TET1: variants seen among roughly 807,000 people sequenced by gnomAD.
The protein encoded by TET1 is methylcytosine dioxygenase TET1.
A neutral mutation model predicts 148.7 loss-of-function variants in TET1; 13 were observed. The observed-to-expected ratio is 0.09, with a 90% CI of 0.06 to 0.14. The LOEUF is 0.14. TET1 is among the 10% of genes least tolerant of loss of function. The pLI is 1.00. For synonymous variants in TET1, 907 were observed against 937.2 expected (o/e 0.97, Z 0.59); for missense variants, 2,182 against 2,553.8 (o/e 0.85, Z 3.14).
At chr10:68,624,232 G>C (rs1223141189) in intron 3 of TET1, among the ~76,000 whole-genome samples, 1 of 151,948 alleles carries the variant, frequency 6.6e-6, no homozygotes, top group Non-Finnish European at 1.5e-5. Context: ...AAGTAGCTGG[G>C]ATTACAGGCG....
At chr10:68,659,520 T>C (rs1055667915) in intron 6 of TET1, among the ~76,000 whole-genome samples, 2 of 152,234 alleles carry the variant, frequency 1.3e-5, no homozygotes, top group African/African-American at 2.4e-5. Flanking sequence ...GGTTTCACCA[T>C]GTTACCCAGG....
intron 6 of TET1, among the ~76,000 whole-genome samples, chr10:68,657,685 T>C (rs1232063302): frequency 6.6e-6 from 1 of 152,164 alleles, no homozygotes; most frequent in Non-Finnish European, 1.5e-5. Context: ...CTTGAAATAG[T>C]ATGGCTATGG....
chr10:68,588,822 CAA>C (rs61499996), intron 2 of TET1, among the ~76,000 whole-genome samples: 1 of 145,316 alleles, frequency 6.9e-6, no homozygotes. Context: ...GACCCTGTCT[CAA>C]AAAAAAAAAA....
At chr10:68,668,896 G>C (rs1483317739) in intron 7 of TET1, among the ~76,000 whole-genome samples, 1 of 152,160 alleles carries the variant, frequency 6.6e-6, no homozygotes, top group Non-Finnish European at 1.5e-5. Context: ...GAGGTGGAAA[G>C]ATTGCTGTTG....
intron 3 of TET1, among the ~76,000 whole-genome samples, chr10:68,628,603 G>C (rs565337269): frequency 6.6e-6 from 1 of 152,226 alleles, no homozygotes; most frequent in South Asian, 2.1e-4. Context: ...GTAAAGGGAG[G>C]GGTGCTTAGT....
chr10:68,660,396 A>G (rs1419911939), intron 6 of TET1, among the ~76,000 whole-genome samples: 1 of 146,734 alleles, frequency 6.8e-6, no homozygotes, highest in Non-Finnish European at 1.5e-5. Context: ...CTGGAGTGCA[A>G]TGGCACAATC....
At chr10:68,566,021 G>A (rs2053604323) in intron 1 of TET1, among the ~76,000 whole-genome samples, 1 of 151,988 alleles carries the variant, frequency 6.6e-6, no homozygotes, top group Admixed American at 6.6e-5. Flanking sequence ...TAGGAGATAG[G>A]GTTTGAATGA....
At chr10:68,690,722 G>A in intron 11 of TET1, 86 bp from the exon 12 acceptor site, 4 of 1,346,828 alleles carry the variant, frequency 3.0e-6, no homozygotes, top group Non-Finnish European at 4.0e-6. Flanking sequence ...ATAATTCTTT[G>A]TACTTGTCTT....
intron 3 of TET1, among the ~76,000 whole-genome samples, chr10:68,628,586 A>C (rs1212619406): frequency 6.6e-6 from 1 of 152,218 alleles, no homozygotes; most frequent in Non-Finnish European, 1.5e-5. Context: ...AGAGCTGTGT[A>C]GGGATAGTAA....
intron 2 of TET1, among the ~76,000 whole-genome samples, chr10:68,596,023 C>CATATATAT (rs1273677017): frequency 1.4e-4 from 13 of 95,430 alleles, no homozygotes; most frequent in African/African-American, 6.6e-4. Flanking sequence ...CACACACACA[C>CATATATAT]ACACATATAT....
chr10:68,628,719 G>A (rs1303093000), intron 3 of TET1, among the ~76,000 whole-genome samples: 1 of 152,174 alleles, frequency 6.6e-6, no homozygotes, highest in Non-Finnish European at 1.5e-5. Flanking sequence ...GGGAAGGATC[G>A]AATAACAAGG....
At chr10:68,578,730 G>A (rs551341852) in intron 2 of TET1, among the ~76,000 whole-genome samples, 153 of 152,166 alleles carry the variant, frequency 1.0e-3, no homozygotes, top group African/African-American at 3.4e-3. Context: ...GCTGAGTGAC[G>A]GATACACATG....
intron 3 of TET1, among the ~76,000 whole-genome samples, chr10:68,618,875 G>T (rs1052730840): frequency 6.6e-6 from 1 of 152,168 alleles, no homozygotes; most frequent in Non-Finnish European, 1.5e-5. Flanking sequence ...GTTGAGCTGG[G>T]AGGATCACCT....
chr10:68,644,604 G>T, intron 3 of TET1, 94 bp from the exon 4 acceptor site: 1 of 1,242,846 alleles, frequency 8.0e-7, no homozygotes. Context: ...GTATCCACAG[G>T]GGCTTTACAT....
chr10:68,619,148 G>A (rs1008569187), intron 3 of TET1, among the ~76,000 whole-genome samples: 7 of 151,950 alleles, frequency 4.6e-5, no homozygotes, highest in Admixed American at 1.3e-4. Flanking sequence ...AGTTTTGTGG[G>A]TATCTTTCTA....
intron 3 of TET1, among the ~76,000 whole-genome samples, chr10:68,601,933 G>A (rs2132877246): frequency 6.6e-6 from 1 of 152,118 alleles, no homozygotes; most frequent in Non-Finnish European, 1.5e-5. Context: ...TACACATAAA[G>A]TTTTAGCACT....
chr10:68,632,359 G>C, intron 3 of TET1: 3 of 1,589,682 alleles, frequency 1.9e-6, no homozygotes, highest in Non-Finnish European at 2.6e-6. Context: ...GTGGAGTCGC[G>C]GAGTAGTCCT....
intron 3 of TET1, among the ~76,000 whole-genome samples, chr10:68,611,550 G>A (rs1427524207): frequency 6.6e-6 from 1 of 151,974 alleles, no homozygotes; most frequent in African/African-American, 2.4e-5. Flanking sequence ...TACTCAGGAG[G>A]CTAGGGTGAG....
intron 4 of TET1, among the ~76,000 whole-genome samples, chr10:68,647,877 C>CT (rs570912819): frequency 2.0e-5 from 3 of 152,074 alleles, no homozygotes; most frequent in African/African-American, 4.8e-5. Context: ...CTAATACTGT[C>CT]TTTTTTTGTC....
Sources: gnomAD v4.1 joint callset for allele counts (sites outside exome capture counted in the v4.1 genomes callset) on GRCh38, gnomAD v4.1.1 for gene constraint, MANE v1.5 for transcripts, NCBI Gene and HGNC (gene_info 2026-07-23, HGNC 2026-07-21) for gene names.